The following GPR158 variants were observed in gnomAD, a reference collection of about 807,000 sequenced individuals.
GPR158 encodes G protein-coupled receptor 158.
GPR158 carries 30 observed loss-of-function variants against 78.2 expected under a neutral mutation model. That is an observed-to-expected ratio of 0.38 (90% CI 0.29 to 0.52). The LOEUF (loss-of-function observed/expected upper bound fraction) is 0.52, where lower values mean the gene tolerates loss of function less well. Ranked by LOEUF, GPR158 falls within the 20% of genes least tolerant of loss-of-function variation. The pLI is 0.83. For synonymous variants in GPR158, 581 were observed against 591.1 expected, an observed-to-expected ratio of 0.98 and a Z score of 0.25; for missense variants, 1,463 against 1,523.5, an observed-to-expected ratio of 0.96 and a Z score of 0.66.
At chr10:25,549,068 A>G (rs1360811815) in intron 5 of GPR158, among the ~76,000 whole-genome samples, 1 of 152,188 alleles carries the variant, frequency 6.6e-6, no homozygotes, top group Non-Finnish European at 1.5e-5. Context: ...CTTTACTGAT[A>G]GGATTTTGCA....
intron 5 of GPR158, among the ~76,000 whole-genome samples, chr10:25,504,799 A>G (rs1371686087): frequency 3.9e-5 from 6 of 152,182 alleles, no homozygotes; most frequent in African/African-American, 1.4e-4. Context: ...TTTTCATTCT[A>G]TCATGTTATC....
chr10:25,386,360 A>G (rs1339626580), intron 2 of GPR158, among the ~76,000 whole-genome samples: 1 of 152,152 alleles, frequency 6.6e-6, no homozygotes, highest in East Asian at 1.9e-4. Flanking sequence ...GTGTTTTGAA[A>G]TCAGAAAGTG....
intron 2 of GPR158, among the ~76,000 whole-genome samples, chr10:25,241,106 T>C (rs889083760): frequency 6.6e-6 from 1 of 150,746 alleles, no homozygotes; most frequent in Non-Finnish European, 1.5e-5. Flanking sequence ...TATGACCAAA[T>C]ATTGAATTTT....
chr10:25,177,668 G>A (rs1231410368), intron 1 of GPR158, among the ~76,000 whole-genome samples: 1 of 152,174 alleles, frequency 6.6e-6, no homozygotes, highest in Non-Finnish European at 1.5e-5. Flanking sequence ...TGTCCAGTGA[G>A]GGAGTTGAAC....
intron 6 of GPR158, among the ~76,000 whole-genome samples, chr10:25,556,696 G>T (rs1836790563): frequency 6.6e-6 from 1 of 152,326 alleles, no homozygotes; most frequent in Non-Finnish European, 1.5e-5. Context: ...AGCTGAGCAA[G>T]TTCGAAAGCC....
intron 2 of GPR158, among the ~76,000 whole-genome samples, chr10:25,259,464 T>G (rs1479862755): frequency 1.3e-5 from 2 of 152,206 alleles, no homozygotes; most frequent in Non-Finnish European, 2.9e-5. Context: ...GTTTTTAAAT[T>G]GTTTCAGTTG....
chr10:25,249,322 G>A (rs1042609077), intron 2 of GPR158, among the ~76,000 whole-genome samples: 2 of 152,090 alleles, frequency 1.3e-5, no homozygotes, highest in Admixed American at 6.5e-5. Flanking sequence ...CTGCCTAATC[G>A]CCCTGGCCAG....
chr10:25,474,467 T>C (rs1376101806), intron 5 of GPR158, among the ~76,000 whole-genome samples: 1 of 152,128 alleles, frequency 6.6e-6, no homozygotes, highest in African/African-American at 2.4e-5. Context: ...AGTCATCTTC[T>C]AGATTTCTAG....
rs111764918 is a variant in GPR158, at chr10:25,551,676, A to C, written c.1514+591A>C. On this transcript the variant is annotated intron_variant, in intron 6 of 10. Transcript: ENST00000376351. ...TTGGGGTGGGGCAGGGGAAGCAACA[A>C]AATGAACTACCTATCTACAAAGGCT... Among the ~76,000 whole-genome samples, 884 of 152,268 alleles carry C rather than the reference A, an allele frequency of 5.8e-3. 7 individuals carry two copies. Among genetic ancestry groups the C allele is most frequent in the African/African-American group, 0.019 (800 of 41,554 alleles).
At chr10:25,454,791 C>T (rs1467442453) in intron 4 of GPR158, among the ~76,000 whole-genome samples, 1 of 152,176 alleles carries the variant, frequency 6.6e-6, no homozygotes, top group African/African-American at 2.4e-5. Flanking sequence ...CCTCCTCCTT[C>T]TCCTTATAAG....
chr10:25,354,240 A>T (rs113561469), intron 2 of GPR158, among the ~76,000 whole-genome samples: 108 of 152,010 alleles, frequency 7.1e-4, no homozygotes, highest in African/African-American at 2.5e-3. Context: ...CTGTAATCCC[A>T]GCCTCCTAGG....
intron 5 of GPR158, chr10:25,475,332 T>C (rs2130629133): frequency 6.6e-6 from 1 of 152,346 alleles, no homozygotes; most frequent in East Asian, 1.9e-4. Flanking sequence ...TACCTCATCC[T>C]ATTGACTTCA....
intron 4 of GPR158, among the ~76,000 whole-genome samples, chr10:25,448,315 C>T (rs1177542231): frequency 1.3e-5 from 2 of 151,908 alleles, no homozygotes; most frequent in Non-Finnish European, 2.9e-5. Flanking sequence ...TGGTCTCGAT[C>T]TTCTGACCTC....
intron 4 of GPR158, among the ~76,000 whole-genome samples, chr10:25,443,066 A>G (rs1247536165): frequency 1.3e-5 from 2 of 150,538 alleles, no homozygotes; most frequent in East Asian, 2.0e-4. Context: ...TAACTTCCAC[A>G]CCGACTTCTC....
intron 2 of GPR158, among the ~76,000 whole-genome samples, chr10:25,369,958 G>T (rs1370025273): frequency 2.7e-5 from 4 of 147,904 alleles, no homozygotes; most frequent in African/African-American, 9.8e-5. Flanking sequence ...TTTGCGTAGA[G>T]GTGTTTGTAG....
chr10:25,249,483 C>A (rs1853757565), intron 2 of GPR158, among the ~76,000 whole-genome samples: 2 of 151,770 alleles, frequency 1.3e-5, no homozygotes, highest in Admixed American at 1.3e-4. Context: ...TGAAATACGT[C>A]CCATCAATAC....
intron 4 of GPR158, among the ~76,000 whole-genome samples, chr10:25,457,140 CTTTTTTTT>C (rs11384299): frequency 8.8e-4 from 52 of 59,418 alleles, no homozygotes; most frequent in South Asian, 3.7e-3. Flanking sequence ...CCATGCCCAC[CTTTTTTTT>C]TTTTTTTTTT....
intron 1 of GPR158, among the ~76,000 whole-genome samples, chr10:25,219,114 C>T (rs548510279): frequency 1.3e-5 from 2 of 152,262 alleles, no homozygotes; most frequent in East Asian, 1.9e-4. Context: ...GAACCTACTT[C>T]GATTGAAAGT....
Position 25,175,536 on chromosome 10 carries a change from C to A in GPR158, c.116C>A (p.Thr39Asn). The change falls in exon 1 of 11, where the codon ACC (threonine) becomes AAC (asparagine). Residue 39 changes from threonine to asparagine, a missense_variant. By Grantham distance (65) the Thr-to-Asn change is moderately conservative. Coordinates refer to ENST00000376351, the MANE Select transcript of GPR158 (RefSeq NM_020752.3). The surrounding 1 kb of genome is among the most constrained non-coding windows in gnomAD (Gnocchi z 6.4). ...CGGCCGGATTCCCCTCGAGAGAGGACCCCGAAGGGGAAGCCGCACGCCCAG... is the reference window on the plus strand; with the variant it reads ...CGGCCGGATTCCCCTCGAGAGAGGAACCCGAAGGGGAAGCCGCACGCCCAG... Reference protein sequence around the residue: ...QGRPDSPRERTPKGKPHAQQP... With the variant: ...QGRPDSPRERNPKGKPHAQQP... 6 of 1,612,102 alleles carry A rather than the reference C, an allele frequency of 3.7e-6. No individual in the cohort carries two copies. The highest frequency in any genetic ancestry group is 4.2e-6 in the Non-Finnish European group (5 of 1,179,904).
Sources: gnomAD v4.1 joint callset for allele counts (sites outside exome capture counted in the v4.1 genomes callset) on GRCh38, gnomAD v4.1.1 for gene constraint, Gnocchi (gnomAD v3.1) non-coding constraint, MANE v1.5 for transcripts, NCBI Gene and HGNC (gene_info 2026-07-23, HGNC 2026-07-21) for gene names.